The following ADAM18 variants were observed in gnomAD, a reference collection of about 807,000 sequenced individuals.
The protein encoded by ADAM18 is disintegrin and metalloproteinase domain-containing protein 18.
A neutral mutation model predicts 94.4 loss-of-function variants in ADAM18; 117 were observed. The ratio of observed to expected loss-of-function variants is 1.24; its 90% CI spans 1.07 to 1.45. The LOEUF is 1.45. Among genes scored for constraint, ADAM18 ranks in the 40% most tolerant of loss-of-function variants. ADAM18 has a pLI of 0.00. For synonymous variants in ADAM18, 327 were observed against 291.6 expected, an observed-to-expected ratio of 1.12 and a Z score of -1.24; for missense variants, 936 against 880.0, an observed-to-expected ratio of 1.06 and a Z score of -0.81.
In ADAM18 at chr8:39,669,211, T is replaced by TA. The variant is rs918569386; in HGVS notation, c.1525+1023dup. On this transcript the variant is annotated intron_variant, in intron 14 of 19. Transcript: ENST00000265707. ...ACAATATATTCTTTTATTTTTTAAT[T>TA]AAAAAAAACTTCAACCTAGAATTCA... 4.7e-4 allele frequency among the ~76,000 whole-genome samples: 71 copies of TA among 151,522 alleles called. 2 individuals are homozygous for TA. In the Middle Eastern group the frequency reaches 0.02, roughly 44 times the overall value.
chr8:39,708,489 A>G (rs1350998958), intron 18 of ADAM18, among the ~76,000 whole-genome samples: 1 of 152,236 alleles, frequency 6.6e-6, no homozygotes, highest in African/African-American at 2.4e-5. Context: ...AAACATGGCA[A>G]AATATAAATG....
At chr8:39,610,969 T>C (rs1369626832) in intron 6 of ADAM18, 24 of 1,209,946 alleles carry the variant, frequency 2.0e-5, no homozygotes, top group African/African-American at 3.2e-5. Flanking sequence ...AGTTTAGAAA[T>C]GCAGAAAGAA....
At position 39,706,904 on chromosome 8, in the gene ADAM18, G is replaced by T. The variant is rs1822257938; in HGVS notation, c.2017G>T (p.Gly673Cys). ...TGATGATGGAAATTTTCAGAAATCT[G>T]GTAAGTGGAAATTTGTTTTCTAAAG... is the stretch of plus-strand genomic sequence containing the variant. ...SIDDGNFQKS[G>C]DFYTEKGYNT... The change falls in exon 18 of 20, where the codon GGT (glycine) becomes TGT (cysteine). Residue 673 changes from glycine (G) to cysteine (C), a missense_variant and splice_region_variant. By Grantham distance (159) the Gly-to-Cys change is radical. Transcript: ENST00000265707. 6.5e-7 allele frequency: 1 copy of T among 1,544,208 alleles called. No individual in the cohort carries two copies. Among genetic ancestry groups the T allele is most frequent in the South Asian group, 1.2e-5 (1 of 85,984 alleles).
chr8:39,634,299 A>G (rs972959552), intron 7 of ADAM18, among the ~76,000 whole-genome samples: 2 of 152,130 alleles, frequency 1.3e-5, no homozygotes, highest in Non-Finnish European at 2.9e-5. Context: ...ACTTCCACCT[A>G]TAAGTCAAAG....
chr8:39,609,146 T>G, intron 4 of ADAM18, 26 bp downstream of exon 4: 1 of 1,417,432 alleles, frequency 7.1e-7, no homozygotes, highest in Non-Finnish European at 9.7e-7. Flanking sequence ...TTATTTTTTT[T>G]GTTAAAGTGG....
chr8:39,712,613 A>G (rs2129581502), intron 18 of ADAM18, among the ~76,000 whole-genome samples: 1 of 152,340 alleles, frequency 6.6e-6, no homozygotes, highest in Non-Finnish European at 1.5e-5. Context: ...TACAAAATCA[A>G]TGTGCAAAAA....
At chr8:39,648,308 A>G in intron 11 of ADAM18, 36 bp from the exon 12 acceptor site, 2 of 1,511,580 alleles carry the variant, frequency 1.3e-6, no homozygotes, top group East Asian at 2.3e-5. Context: ...TTTATTAGCC[A>G]GGCTTATTTG....
intron 2 of ADAM18, among the ~76,000 whole-genome samples, chr8:39,598,839 T>G (rs1380905197): frequency 6.7e-6 from 1 of 149,654 alleles, no homozygotes. Context: ...TGAGAGAGAG[T>G]CTTGCTTTCT....
At chr8:39,610,781 AT>A in intron 6 of ADAM18, 75 bp downstream of exon 6, 2 of 1,506,886 alleles carry the variant, frequency 1.3e-6, no homozygotes, top group Non-Finnish European at 1.8e-6. Context: ...CATGAAAGGA[AT>A]TTAGTTAGCT....
At chr8:39,595,846 C>G (rs1351523637) in intron 2 of ADAM18, among the ~76,000 whole-genome samples, 4 of 152,058 alleles carry the variant, frequency 2.6e-5, no homozygotes, top group Admixed American at 2.0e-4. Context: ...TGCTCAAGTC[C>G]TTATATCACT....
At chr8:39,586,919 C>A (rs965990651) in intron 2 of ADAM18, among the ~76,000 whole-genome samples, 13 of 152,100 alleles carry the variant, frequency 8.5e-5, no homozygotes, top group Non-Finnish European at 1.5e-4. Context: ...AAGCATATAG[C>A]AACTACGCAG....
chr8:39,610,539 C>T lies in ADAM18; in HGVS notation c.355C>T (p.Gln119Ter). The change falls in exon 6 of 20, where the codon CAG becomes TAG. Residue 119 changes from glutamine to a stop codon, truncating the protein, a stop_gained. Coordinates refer to ENST00000265707, the MANE Select transcript of ADAM18 (RefSeq NM_014237.3). LOFTEE classifies it high-confidence loss of function. ...CTTCTAAATTTTCAGGGGATTTCTCCAGTTTGAAAATATCAGTTATGGAAT... is the reference window on the plus strand; with the variant it reads ...CTTCTAAATTTTCAGGGGATTTCTCTAGTTTGAAAATATCAGTTATGGAAT... ...SICSGLRGFLQFENISYGIEP... is the reference protein window; with the variant it reads ...SICSGLRGFL The T allele has an allele frequency of 6.3e-7, 1 of 1,596,752 alleles. No homozygotes were observed. The highest frequency in any genetic ancestry group is 8.5e-7 in the Non-Finnish European group (1 of 1,170,924).
chr8:39,599,724 ATTG>A lies in ADAM18; in HGVS notation c.133-6577_133-6575del, dbSNP rs558957013. Among the ~76,000 whole-genome samples, 85 of 152,150 alleles carry A rather than the reference ATTG, an allele frequency of 5.6e-4. 2 individuals are homozygous for A. The South Asian group carries it at 0.016, about 29-fold the overall frequency. On this transcript the variant is annotated intron_variant, in intron 2 of 19. Coordinates refer to ENST00000265707, the MANE Select transcript of ADAM18 (RefSeq NM_014237.3). ...TTTTTATTGCATATTCTTATTATCC[ATTG>A]TTGTTATGTAGAACTAAATTAAATT...
At chr8:39,642,563 G>A (rs1157607752) in intron 10 of ADAM18, among the ~76,000 whole-genome samples, 3 of 151,902 alleles carry the variant, frequency 2.0e-5, no homozygotes, top group Non-Finnish European at 4.4e-5. Context: ...TCAGATAGTT[G>A]TAGGCCTGTG....
chr8:39,638,534 A>T lies in ADAM18; in HGVS notation c.897A>T (p.Ala299=). The T allele has an allele frequency of 6.4e-7, 1 of 1,568,280 alleles. No homozygotes were observed. The highest frequency in any genetic ancestry group is 8.7e-7 in the Non-Finnish European group (1 of 1,154,762). ...CTGTATGCAATAAAAGCTATGATGCAGGTATTGCTATGGTATGTAATTTTT... is the reference window on the plus strand; with the variant it reads ...CTGTATGCAATAAAAGCTATGATGCTGGTATTGCTATGGTATGTAATTTTT... ...PGTVCNKSYD[A]GIAMYPDAIG... is the part of the protein sequence containing the mutation. Residue 299 remains alanine (A), a synonymous_variant, in exon 10 of 20, where the codon GCA becomes GCT. Coordinates refer to ENST00000265707, the MANE Select transcript of ADAM18 (RefSeq NM_014237.3).
chr8:39,616,484 A>G (rs1423947223), intron 6 of ADAM18, among the ~76,000 whole-genome samples: 3 of 152,202 alleles, frequency 2.0e-5, no homozygotes, highest in African/African-American at 7.2e-5. Flanking sequence ...CCTATCAAAC[A>G]ACCAACAACG....
intron 19 of ADAM18, 81 bp from the exon 20 acceptor site, chr8:39,729,817 G>A (rs1292837163): frequency 2.6e-6 from 3 of 1,152,694 alleles, no homozygotes; most frequent in Non-Finnish European, 3.9e-6. Context: ...AAATTCAGTA[G>A]TAAATATGGT....
intron 6 of ADAM18, among the ~76,000 whole-genome samples, chr8:39,625,852 C>T (rs1051683446): frequency 2.6e-5 from 4 of 152,098 alleles, no homozygotes; most frequent in African/African-American, 7.2e-5. Flanking sequence ...ATCCATCCCT[C>T]CTGCATCCCT....
At chr8:39,623,115 CTG>C (rs1161278896) in intron 6 of ADAM18, among the ~76,000 whole-genome samples, 1 of 152,152 alleles carries the variant, frequency 6.6e-6, no homozygotes, top group East Asian at 1.9e-4. Flanking sequence ...CATATAGTAT[CTG>C]TTTTTCCATT....
Sources: gnomAD v4.1 joint callset for allele counts (sites outside exome capture counted in the v4.1 genomes callset) on GRCh38, gnomAD v4.1.1 for gene constraint, MANE v1.5 for transcripts, NCBI Gene and HGNC (gene_info 2026-07-23, HGNC 2026-07-21) for gene names.